Variants in RMND1 observed in about 807,000 individuals in gnomAD.
The protein encoded by RMND1 is required for meiotic nuclear division 1 homolog, also known as required for meiotic nuclear division protein 1 homolog.
RMND1 carries 41 observed loss-of-function variants against 54.0 expected under a neutral mutation model. The observed-to-expected ratio is 0.76, with a 90% CI of 0.59 to 0.98. The LOEUF is 0.98. Ranked by LOEUF, RMND1 falls within the 50% of genes least tolerant of loss-of-function variation. RMND1 has a pLI of 0.00. For missense variants in RMND1, 457 were observed against 532.0 expected, an observed-to-expected ratio of 0.86 and a Z score of 1.39; for synonymous variants, 183 against 181.7, an observed-to-expected ratio of 1.01 and a Z score of -0.06.
At chr6:151,451,195 C>T (rs1282609023) in intron 1 of RMND1, among the ~76,000 whole-genome samples, 1 of 75,644 alleles carries the variant, frequency 1.3e-5, no homozygotes, top group Admixed American at 1.6e-4. Flanking sequence ...CAAGAATGAT[C>T]AATAAAAAAA....
chr6:151,405,627 A>T (rs1283388811), intron 11 of RMND1, 93 bp downstream of exon 11: 1 of 693,164 alleles, frequency 1.4e-6, no homozygotes, highest in Admixed American at 2.5e-5. Context: ...CTTTTCTGCT[A>T]ATAATTTTCT....
In RMND1 at chr6:151,430,179, T is replaced by G. The variant is rs1780413923; in HGVS notation, c.690-2A>C. 6.3e-7 allele frequency: 1 copy of G among 1,594,466 alleles called. No individual in the cohort carries two copies. Among genetic ancestry groups the G allele is most frequent in the Non-Finnish European group, 8.6e-7 (1 of 1,164,536 alleles). On this transcript the variant is annotated splice_acceptor_variant, in intron 4 of 11. Transcript: ENST00000444024. LOFTEE classifies it high-confidence loss of function. ...TTCCAAAACACAGCAGCTCCTTCCC[T>G]GATTTAAAAAAATAAAAGAAACAAC...
intron 10 of RMND1, 71 bp from the exon 11 acceptor site, chr6:151,405,907 G>C (rs1164649371): frequency 2.7e-6 from 2 of 751,356 alleles, no homozygotes; most frequent in Non-Finnish European, 4.5e-6. Flanking sequence ...AAATTCTATA[G>C]CTATACAGTG....
chr6:151,410,683 A>G (rs554117605), intron 10 of RMND1, among the ~76,000 whole-genome samples: 3 of 152,208 alleles, frequency 2.0e-5, no homozygotes, highest in Non-Finnish European at 4.4e-5. Context: ...CAATTGATTA[A>G]TTAATATTAT....
At chr6:151,423,919 C>T (rs931448756) in intron 6 of RMND1, among the ~76,000 whole-genome samples, 1 of 151,402 alleles carries the variant, frequency 6.6e-6, no homozygotes, top group African/African-American at 2.4e-5. Flanking sequence ...GCGATCTCAG[C>T]TCACTGCAAC....
At chr6:151,440,662 T>G (rs907620148) in intron 2 of RMND1, among the ~76,000 whole-genome samples, 9 of 152,244 alleles carry the variant, frequency 5.9e-5, no homozygotes, top group Admixed American at 5.9e-4. Flanking sequence ...CACTACTTTC[T>G]GTATTCTCCT....
chr6:151,430,268 T>C (rs1780416126), intron 4 of RMND1, 91 bp from the exon 5 acceptor site: 2 of 868,956 alleles, frequency 2.3e-6, no homozygotes, highest in East Asian at 4.9e-5. Context: ...CTAGAATGTA[T>C]ACAGGATGCG....
chr6:151,413,455 G>A (rs1436880413), intron 10 of RMND1, among the ~76,000 whole-genome samples: 1 of 152,098 alleles, frequency 6.6e-6, no homozygotes, highest in Non-Finnish European at 1.5e-5. Flanking sequence ...GGCCAGGCTG[G>A]TCTTGAACTC....
chr6:151,447,242 TAA>T (rs1009376556), intron 1 of RMND1, among the ~76,000 whole-genome samples: 7 of 152,088 alleles, frequency 4.6e-5, no homozygotes, highest in East Asian at 1.9e-4. Context: ...AAAGGATATA[TAA>T]AGTCATCCTA....
At chr6:151,447,887 C>A (rs1781005268) in intron 1 of RMND1, among the ~76,000 whole-genome samples, 1 of 148,198 alleles carries the variant, frequency 6.7e-6, no homozygotes, top group Non-Finnish European at 1.5e-5. Context: ...CACCTCAGCT[C>A]ACTGCAACCT....
At chr6:151,445,153 C>T in intron 2 of RMND1, 155 bp downstream of exon 2, 31 of 648,368 alleles carry the variant, frequency 4.8e-5, no homozygotes, top group South Asian at 9.2e-5. Flanking sequence ...ATTCTGAATC[C>T]CTTTGGATAT....
chr6:151,442,701 T>C (rs1275976910), intron 2 of RMND1, among the ~76,000 whole-genome samples: 1 of 143,940 alleles, frequency 6.9e-6, no homozygotes. Context: ...GGCTTTTTTT[T>C]TTTTTTTTTT....
At chr6:151,422,923 G>T (rs989441646) in intron 7 of RMND1, among the ~76,000 whole-genome samples, 2 of 152,048 alleles carry the variant, frequency 1.3e-5, no homozygotes, top group African/African-American at 2.4e-5. Flanking sequence ...CTGCAGATAG[G>T]GCGCGACTAA....
At chr6:151,429,341 G>A (rs762294256) in intron 5 of RMND1, among the ~76,000 whole-genome samples, 17 of 152,082 alleles carry the variant, frequency 1.1e-4, no homozygotes, top group Non-Finnish European at 1.8e-4. Flanking sequence ...GGCTGGTCTC[G>A]AACTCCTGGC....
rs573889861 is a variant in RMND1, at chr6:151,430,118, A to G, written c.729+20T>C. On this transcript the variant is annotated intron_variant, in intron 5 of 11. Transcript: ENST00000444024. ...CACAAAACTAAATTTTTATATTTTC[A>G]CATTTTTATTTACACTTACAGTTTT... 120 of 1,535,064 alleles carry G rather than the reference A, an allele frequency of 7.8e-5. 3 individuals carry two copies. The South Asian group carries it at 1.3e-3, about 17-fold the overall frequency.
At chr6:151,438,718 C>A (rs1780685541) in intron 2 of RMND1, among the ~76,000 whole-genome samples, 2 of 152,056 alleles carry the variant, frequency 1.3e-5, no homozygotes, top group Non-Finnish European at 2.9e-5. Flanking sequence ...ACTGTCCCTG[C>A]CTCTCCCTGT....
rs1039518954 is a variant in RMND1, at chr6:151,435,060, G to A, written c.613+1386C>T. On this transcript the variant is annotated intron_variant, in intron 3 of 11. Transcript: ENST00000444024. ...GGTGGGGTTTCACCATGTTGGACAG[G>A]CTGGTCTGAAACTCCTGACCTCAGG... is the stretch of plus-strand genomic sequence containing the variant. Among the ~76,000 whole-genome samples the A allele has an allele frequency of 7.9e-5, 12 of 152,214 alleles. 2 individuals are homozygous for A. Among genetic ancestry groups the A allele is most frequent in the Admixed American group, 5.9e-4 (9 of 15,290 alleles).
At chr6:151,449,266 GGCCAAGGCA>G (rs998912156) in intron 1 of RMND1, among the ~76,000 whole-genome samples, 1 of 151,446 alleles carries the variant, frequency 6.6e-6, no homozygotes, top group Non-Finnish European at 1.5e-5. Context: ...TTACTCGGGA[GGCCAAGGCA>G]GGAGAATCGC....
chr6:151,445,916 GA>G lies in RMND1; in HGVS notation c.-14-92del. 6 of 1,195,728 alleles carry G rather than the reference GA, an allele frequency of 5.0e-6. No homozygotes were observed. The South Asian group carries it at 1.0e-4, about 20-fold the overall frequency. 74.1% of individuals were successfully genotyped at this position (1,195,728 alleles called of 1,614,324 possible). ...CTAGGTAGCAGGCATATTTCTGTTA[GA>G]AAAATTTGTAAAACAGATACATTCT... On this transcript the variant is annotated intron_variant, in intron 1 of 11. Transcript: ENST00000444024.
Sources: gnomAD v4.1 joint callset for allele counts (sites outside exome capture counted in the v4.1 genomes callset) on GRCh38, gnomAD v4.1.1 for gene constraint, MANE v1.5 for transcripts, NCBI Gene and HGNC (gene_info 2026-07-23, HGNC 2026-07-21) for gene names.